NME9: variants seen among roughly 807,000 people sequenced by gnomAD.
NME9 encodes the protein thioredoxin domain-containing protein 6.
A neutral mutation model predicts 44.4 loss-of-function variants in NME9; 48 were observed. That is an observed-to-expected ratio of 1.08 (90% CI 0.86 to 1.37). NME9 has a LOEUF of 1.37. NME9 is among the 40% of genes most tolerant of loss of function. NME9 has a pLI of 0.00. For synonymous variants in NME9, 139 were observed against 147.1 expected (o/e 0.94, Z 0.40); for missense variants, 325 against 405.2 (o/e 0.80, Z 1.70).
At chr3:138,265,581 G>C (rs2048199790) in intron 8 of NME9, among the ~76,000 whole-genome samples, 1 of 152,192 alleles carries the variant, frequency 6.6e-6, no homozygotes, top group South Asian at 2.1e-4. Context: ...ATAGGCAAGA[G>C]ACCATTCAGG....
chr3:138,306,341 T>G, intron 7 of NME9, 57 bp downstream of exon 7: 2 of 1,321,856 alleles, frequency 1.5e-6, no homozygotes, highest in Middle Eastern at 3.6e-4. Flanking sequence ...CCATCCCTGT[T>G]TATCCACAAA....
chr3:138,312,013 T>C (rs1176443920), intron 6 of NME9, among the ~76,000 whole-genome samples: 1 of 152,028 alleles, frequency 6.6e-6, no homozygotes, highest in African/African-American at 2.4e-5. Context: ...ACATTTACAA[T>C]AGCTACAAAG....
At chr3:138,268,943 T>A (rs1199049718) in intron 8 of NME9, among the ~76,000 whole-genome samples, 1 of 152,206 alleles carries the variant, frequency 6.6e-6, no homozygotes, top group Non-Finnish European at 1.5e-5. Context: ...GTAACTGTAC[T>A]ATGGTTATCT....
chr3:138,319,262 C>T (rs1489405164), intron 3 of NME9, among the ~76,000 whole-genome samples: 1 of 152,056 alleles, frequency 6.6e-6, no homozygotes, highest in Non-Finnish European at 1.5e-5. Context: ...AAGAACTGCT[C>T]AAGCCAAGAG....
chr3:138,288,706 C>G (rs531503279), intron 8 of NME9, among the ~76,000 whole-genome samples: 1 of 147,756 alleles, frequency 6.8e-6, no homozygotes, highest in South Asian at 2.2e-4. Flanking sequence ...GGCACGATCT[C>G]AGCTCACTGC....
At chr3:138,284,763 A>G (rs571889716) in intron 8 of NME9, among the ~76,000 whole-genome samples, 18 of 152,196 alleles carry the variant, frequency 1.2e-4, no homozygotes, top group African/African-American at 3.4e-4. Context: ...CTTGTCATCT[A>G]CTGGTTGCCT....
chr3:138,265,426 A>G (rs2048185741), intron 8 of NME9, among the ~76,000 whole-genome samples: 1 of 152,118 alleles, frequency 6.6e-6, no homozygotes, highest in African/African-American at 2.4e-5. Flanking sequence ...TTAATTTTTT[A>G]GAGTTTTGTT....
intron 8 of NME9, among the ~76,000 whole-genome samples, chr3:138,289,975 A>C (rs1198949498): frequency 6.6e-6 from 1 of 152,152 alleles, no homozygotes; most frequent in Non-Finnish European, 1.5e-5. Context: ...CCGCCCACAG[A>C]CCTAGATACC....
chr3:138,268,202 C>T (rs929524306), intron 8 of NME9, among the ~76,000 whole-genome samples: 1 of 152,040 alleles, frequency 6.6e-6, no homozygotes, highest in Admixed American at 6.6e-5. Flanking sequence ...GAGATCGCGC[C>T]ACTGCACTGC....
intron 8 of NME9, among the ~76,000 whole-genome samples, chr3:138,282,335 A>T (rs934406127): frequency 5.3e-5 from 8 of 152,172 alleles, no homozygotes; most frequent in African/African-American, 1.9e-4. Flanking sequence ...AAGACAAGTG[A>T]TGGAGAGGGA....
chr3:138,289,864 C>G (rs1453068423), intron 8 of NME9, among the ~76,000 whole-genome samples: 1 of 152,104 alleles, frequency 6.6e-6, no homozygotes, highest in African/African-American at 2.4e-5. Context: ...CTAGAGAGAG[C>G]CAGTATATGA....
At chr3:138,315,428 A>AAAGT in intron 5 of NME9, 99 bp downstream of exon 5, 1 of 763,500 alleles carries the variant, frequency 1.3e-6, no homozygotes, top group South Asian at 1.7e-5. Flanking sequence ...CTGTCCACCG[A>AAAGT]CAGCTCCAGG....
intron 8 of NME9, chr3:138,264,039 G>T: frequency 8.6e-7 from 1 of 1,167,822 alleles, no homozygotes; most frequent in South Asian, 1.3e-5. Context: ...TATGCTTGAA[G>T]TGTACATTAG....
downstream of NME9, chr3:138,296,124 A>G (rs997016457): frequency 8.5e-6 from 4 of 471,824 alleles, no homozygotes; most frequent in African/African-American, 8.0e-5. Context: ...TTTCTGAGCT[A>G]CTCGGACTCT....
At chr3:138,290,642 G>A (rs186347815) in intron 8 of NME9, 434 of 1,588,010 alleles carry the variant, frequency 2.7e-4, no homozygotes, top group Admixed American at 8.8e-4. Context: ...TGTGACAAGT[G>A]AGTATGAATG....
downstream of NME9, chr3:138,300,948 C>G (rs979085099): frequency 1.9e-6 from 1 of 516,796 alleles, no homozygotes; most frequent in Non-Finnish European, 2.5e-6. Context: ...CATAGTCAAT[C>G]TTGCTGCACT....
chr3:138,272,578 T>C (rs955701631), intron 8 of NME9, among the ~76,000 whole-genome samples: 2 of 152,182 alleles, frequency 1.3e-5, no homozygotes, highest in African/African-American at 4.8e-5. Context: ...GTTTGTACTT[T>C]GAAAATTATC....
chr3:138,285,070 C>G (rs893317950), intron 8 of NME9, among the ~76,000 whole-genome samples: 2 of 152,212 alleles, frequency 1.3e-5, no homozygotes, highest in African/African-American at 4.8e-5. Flanking sequence ...CTCCCCTTGT[C>G]ACACCTATCT....
chr3:138,289,066 C>T (rs1167308250), intron 8 of NME9: 2 of 1,612,750 alleles, frequency 1.2e-6, no homozygotes, highest in African/African-American at 1.3e-5. Flanking sequence ...ACATGTTAAA[C>T]TGCAGCTTGC....
Sources: gnomAD v4.1 joint callset for allele counts (sites outside exome capture counted in the v4.1 genomes callset) on GRCh38, gnomAD v4.1.1 for gene constraint, MANE v1.5 for transcripts, NCBI Gene and HGNC (gene_info 2026-07-23, HGNC 2026-07-21) for gene names.